Variants in TMTC2 observed in about 807,000 individuals in gnomAD.
TMTC2 encodes protein O-mannosyl-transferase TMTC2.
A neutral mutation model predicts 82.4 loss-of-function variants in TMTC2; 43 were observed. The ratio of observed to expected loss-of-function variants is 0.52; its 90% confidence interval spans 0.41 to 0.67. The LOEUF is 0.67. Among genes scored for constraint, TMTC2 ranks in the 30% least tolerant of loss-of-function variants. The pLI is 0.00. For synonymous variants in TMTC2, 408 were observed against 381.9 expected (o/e 1.07, Z -0.80); for missense variants, 919 against 1,012.4 (o/e 0.91, Z 1.25).
Position 82,930,376 on chromosome 12 carries a change from G to A in TMTC2, c.1484-55G>A, listed in dbSNP as rs372138576. The stretch of plus-strand genomic sequence containing the variant: ...GTACTTCCTGATGGCCTGATATTAT[G>A]TCATGTATAATTGGATTGATGCTCA... On this transcript the variant is annotated intron_variant, in intron 3 of 11. Coordinates refer to ENST00000321196, the MANE Select transcript of TMTC2 (RefSeq NM_152588.3). 10 of 1,010,250 alleles carry A rather than the reference G, an allele frequency of 9.9e-6. No homozygotes were observed. In the African/African-American group the frequency reaches 1.3e-4, roughly 13 times the overall value. 62.6% of individuals were successfully genotyped at this position (1,010,250 alleles called of 1,614,324 possible).
chr12:82,939,987 A>G (rs1876613964), intron 4 of TMTC2, among the ~76,000 whole-genome samples: 1 of 145,784 alleles, frequency 6.9e-6, no homozygotes, highest in African/African-American at 2.5e-5. Flanking sequence ...TCTCTTCCAG[A>G]TACATGTATT....
chr12:82,772,082 C>A (rs1397558196), intron 1 of TMTC2, among the ~76,000 whole-genome samples: 3 of 152,124 alleles, frequency 2.0e-5, no homozygotes, highest in Non-Finnish European at 4.4e-5. Flanking sequence ...TGGCGCTTAA[C>A]TGTAAATTTC....
chr12:83,006,825 A>C (rs1191574385), intron 8 of TMTC2, among the ~76,000 whole-genome samples: 1 of 152,172 alleles, frequency 6.6e-6, no homozygotes, highest in East Asian at 1.9e-4. Context: ...GCTGGAAACC[A>C]TCATTCTCAG....
intron 9 of TMTC2, among the ~76,000 whole-genome samples, chr12:83,038,352 G>T (rs1369378704): frequency 1.3e-5 from 2 of 151,904 alleles, no homozygotes; most frequent in African/African-American, 4.8e-5. Context: ...GAAATCAAGG[G>T]AATTAAAATA....
intron 1 of TMTC2, among the ~76,000 whole-genome samples, chr12:82,688,853 C>T (rs998639145): frequency 6.6e-6 from 1 of 152,142 alleles, no homozygotes; most frequent in Non-Finnish European, 1.5e-5. Flanking sequence ...ATCTTCTTCT[C>T]GTCGTAATTA....
At chr12:83,125,404 A>G (rs2137567053) in intron 11 of TMTC2, among the ~76,000 whole-genome samples, 1 of 152,324 alleles carries the variant, frequency 6.6e-6, no homozygotes, top group East Asian at 1.9e-4. Context: ...ATTTTGTATG[A>G]TGTTATGTTA....
In TMTC2 at chr12:83,132,519, C is replaced by A; in HGVS notation, c.*130C>A. 1 of 1,024,558 alleles carries A rather than the reference C, an allele frequency of 9.8e-7. No homozygotes were observed. The highest frequency in any genetic ancestry group is 1.4e-6 in the Non-Finnish European group (1 of 717,192). 63.5% of individuals were successfully genotyped at this position (1,024,558 alleles called of 1,614,324 possible). On this transcript the variant is annotated 3_prime_UTR_variant, in exon 12 of 12. Coordinates refer to ENST00000321196, the MANE Select transcript of TMTC2 (RefSeq NM_152588.3). The stretch of plus-strand genomic sequence containing the variant: ...ACCAGGGCAGAGGTCATTGAGGTCA[C>A]TACCGCTTCTGGAAGAATCCACTTT...
chr12:82,989,834 ATTTTTAATCCCCCCCACCAAGAC>A lies in TMTC2; in HGVS notation c.2070+3793_2070+3815del, dbSNP rs1249423581. ...GAAAGACTCCTATACTACAATCCAA[ATTTTTAATCCCCCCCACCAAGAC>A]TTTTATAGTTTCCGACTTGCTGATT... On this transcript the variant is annotated intron_variant, in intron 8 of 11. Transcript: ENST00000321196. Among the ~76,000 whole-genome samples, 12 of 151,856 alleles carry A rather than the reference ATTTTTAATCCCCCCCACCAAGAC, an allele frequency of 7.9e-5. No homozygotes were observed. In the East Asian group the frequency reaches 2.1e-3, roughly 27 times the overall value.
intron 1 of TMTC2, among the ~76,000 whole-genome samples, chr12:82,810,958 G>A (rs908288103): frequency 1.3e-5 from 2 of 152,104 alleles, no homozygotes; most frequent in African/African-American, 4.8e-5. Flanking sequence ...GGCCAGGAGC[G>A]GTGGCTCACG....
At chr12:82,715,223 C>T (rs1353789427) in intron 1 of TMTC2, among the ~76,000 whole-genome samples, 8 of 149,578 alleles carry the variant, frequency 5.3e-5, no homozygotes, top group South Asian at 2.1e-4. Context: ...TGAGCCAAGA[C>T]GAGATCACGC....
At chr12:82,804,917 G>A (rs562423453) in intron 1 of TMTC2, among the ~76,000 whole-genome samples, 122 of 152,230 alleles carry the variant, frequency 8.0e-4, no homozygotes, top group African/African-American at 2.6e-3. Context: ...TAAAAAAATA[G>A]CACTTGAACA....
At chr12:82,878,026 C>T (rs961570482) in intron 2 of TMTC2, among the ~76,000 whole-genome samples, 6 of 152,176 alleles carry the variant, frequency 3.9e-5, no homozygotes, top group South Asian at 2.1e-4. Context: ...ATTTGAGCTA[C>T]GTATTAAGAT....
chr12:82,764,933 A>G (rs552173074), intron 1 of TMTC2, among the ~76,000 whole-genome samples: 1 of 146,318 alleles, frequency 6.8e-6, no homozygotes, highest in African/African-American at 2.5e-5. Flanking sequence ...CAGACAAAAC[A>G]GGGCAGGGGA....
intron 9 of TMTC2, among the ~76,000 whole-genome samples, chr12:83,050,683 G>C (rs189875802): frequency 6.6e-6 from 1 of 151,586 alleles, no homozygotes; most frequent in Non-Finnish European, 1.5e-5. Flanking sequence ...GTCTATAGAC[G>C]ATTTCTTTTT....
intron 10 of TMTC2, among the ~76,000 whole-genome samples, chr12:83,057,806 T>A (rs951626143): frequency 6.6e-6 from 1 of 152,084 alleles, no homozygotes; most frequent in South Asian, 2.1e-4. Flanking sequence ...GTGGTTTTTA[T>A]ATTAATTTTT....
chr12:82,857,443 C>CT lies in TMTC2; in HGVS notation c.518dup (p.Ser175ValfsTer26). On this transcript the variant is annotated frameshift_variant, in exon 2 of 12. Coordinates refer to ENST00000321196, the MANE Select transcript of TMTC2 (RefSeq NM_152588.3). LOFTEE classifies it high-confidence loss of function. Reference sequence around the variant, plus strand: ...CTCAGCCAGAACCTGGGGCTGGTTCCTGGGGTCAGGACTGTGCGCAGGATG... The same window carrying CT: ...CTCAGCCAGAACCTGGGGCTGGTTCCTTGGGGTCAGGACTGTGCGCAGGATG... 2 of 1,614,170 alleles carry CT rather than the reference C, an allele frequency of 1.2e-6. No homozygotes were observed. Among genetic ancestry groups the CT allele is most frequent in the Non-Finnish European group, 1.7e-6 (2 of 1,180,034 alleles).
intron 10 of TMTC2, among the ~76,000 whole-genome samples, chr12:83,054,099 T>C (rs1208419573): frequency 1.3e-5 from 2 of 152,058 alleles, no homozygotes; most frequent in African/African-American, 2.4e-5. Flanking sequence ...TTTCTCTGAC[T>C]TAGAAATTGT....
chr12:83,109,910 A>G (rs1003534999), intron 11 of TMTC2, among the ~76,000 whole-genome samples: 2 of 152,198 alleles, frequency 1.3e-5, no homozygotes, highest in Admixed American at 6.5e-5. Context: ...CTTTAAATCC[A>G]TATCAGTAAC....
intron 8 of TMTC2, among the ~76,000 whole-genome samples, chr12:83,021,542 C>G (rs1180414991): frequency 1.3e-5 from 2 of 152,028 alleles, no homozygotes; most frequent in Non-Finnish European, 2.9e-5. Flanking sequence ...TTGCAGTGAG[C>G]TATAATCATG....
Sources: gnomAD v4.1 joint callset for allele counts (sites outside exome capture counted in the v4.1 genomes callset) on GRCh38, gnomAD v4.1.1 for gene constraint, MANE v1.5 for transcripts, NCBI Gene and HGNC (gene_info 2026-07-23, HGNC 2026-07-21) for gene names.